The following TMEM255B variants were observed in gnomAD, a reference collection of about 807,000 sequenced individuals.
TMEM255B encodes transmembrane protein 255B.
In TMEM255B, 35 loss-of-function variants were observed where a neutral mutation model predicts 34.5. That is an observed-to-expected ratio of 1.01 (90% confidence interval 0.77 to 1.34). The LOEUF is 1.34. TMEM255B is among the 40% of genes most tolerant of loss of function. The pLI, the probability that TMEM255B is intolerant of heterozygous loss-of-function variation, is 0.00. For missense variants in TMEM255B, 432 were observed against 433.2 expected (o/e 1.00, Z 0.02); for synonymous variants, 206 against 201.2 (o/e 1.02, Z -0.20).
rs751612463 is a variant in TMEM255B, at chr13:113,766,119, G to T, written c.51G>T (p.Gly17=). 3.3e-5 allele frequency: 53 copies of T among 1,614,048 alleles called. No individual in the cohort carries two copies. In the East Asian group the frequency reaches 1.2e-3, roughly 36 times the overall value. The change falls in exon 2 of 9, where the codon GGG becomes GGT. Residue 17 remains glycine, a synonymous_variant. Transcript: ENST00000375353. The stretch of plus-strand genomic sequence containing the variant: ...TCCTCGCCTTCCTCCCCACAGAAGG[G>T]CTTTCGAGGAGGAAGAAGACGTCGC... ...GPLGLLDPAE[G]LSRRKKTSLW...
Position 113,805,038 on chromosome 13 carries a change from G to GCAT in TMEM255B, c.813+13_813+15dup, listed in dbSNP as rs2051144510. The GCAT allele has an allele frequency of 2.5e-6, 4 of 1,589,228 alleles. No individual in the cohort carries two copies. In the East Asian group the frequency reaches 6.8e-5, roughly 27 times the overall value. ...CCCTCTGCCCCTTCAGGTAGGGCCA[G>GCAT]CATCACCTGCTGGAGTTGGACGCGC... On this transcript the variant is annotated intron_variant, in intron 8 of 8. Transcript: ENST00000375353.
intron 5 of TMEM255B, chr13:113,799,878 G>C: frequency 9.5e-7 from 1 of 1,054,120 alleles, no homozygotes; most frequent in South Asian, 1.3e-5. Context: ...AGGACCGTCG[G>C]AGGGCACAGC....
chr13:113,785,962 T>A (rs1056433913), intron 3 of TMEM255B, among the ~76,000 whole-genome samples: 5 of 151,968 alleles, frequency 3.3e-5, no homozygotes, highest in African/African-American at 1.2e-4. Context: ...TCCAGTGGAG[T>A]CTGAGGCAGT....
rs115109442 is a variant in TMEM255B, at chr13:113,787,440, C to A, written c.253-7708C>A. On this transcript the variant is annotated intron_variant, in intron 3 of 8. Transcript: ENST00000375353. ...TGCTGACCTGAGTGGTGCGGCTTCT[C>A]TTCTCCGTTTGCTCACAGAAACCGA... Among the ~76,000 whole-genome samples, 1,363 of 152,262 alleles carry A rather than the reference C, an allele frequency of 9.0e-3. 17 individuals are homozygous for A. The highest frequency in any genetic ancestry group is 0.032 in the African/African-American group (1,320 of 41,538).
intron 3 of TMEM255B, among the ~76,000 whole-genome samples, chr13:113,784,339 A>T (rs1221674971): frequency 6.6e-6 from 1 of 152,168 alleles, no homozygotes; most frequent in Non-Finnish European, 1.5e-5. Context: ...TCCCCAGCTT[A>T]ATCCCACTGG....
rs868457701 is a variant in TMEM255B at position 113,810,979 on chromosome 13, C to T, written c.814-757C>T. On this transcript the variant is annotated intron_variant, in intron 8 of 8. Transcript: ENST00000375353. ...TGGTTTTGGAGTCAGGTCAGAGGCT[C>T]GCTGGCTGTGAGGAAGTGGGATGTG... Among the ~76,000 whole-genome samples, 51 of 152,106 alleles carry T rather than the reference C, an allele frequency of 3.4e-4. 2 individuals carry two copies. Among genetic ancestry groups the T allele is most frequent in the South Asian group, 4.1e-4 (2 of 4,826 alleles).
chr13:113,792,850 T>C (rs1246028620), intron 3 of TMEM255B, among the ~76,000 whole-genome samples: 1 of 152,282 alleles, frequency 6.6e-6, no homozygotes, highest in Non-Finnish European at 1.5e-5. Flanking sequence ...CAACTTTCTT[T>C]TAGGCAATCG....
chr13:113,802,174 C>T (rs1191502897), intron 7 of TMEM255B, among the ~76,000 whole-genome samples: 2 of 152,234 alleles, frequency 1.3e-5, no homozygotes, highest in African/African-American at 4.8e-5. Flanking sequence ...TGGGGCTGAG[C>T]TGATGCCTTA....
intron 3 of TMEM255B, among the ~76,000 whole-genome samples, chr13:113,784,177 G>A (rs1056847158): frequency 1.3e-5 from 2 of 152,164 alleles, no homozygotes; most frequent in Admixed American, 1.3e-4. Context: ...GTGTAGGGAT[G>A]TGGGATTGTT....
In TMEM255B at chr13:113,800,904, C is replaced by T; in HGVS notation, c.501C>T (p.Ala167=). 1 of 1,214,768 alleles carries T rather than the reference C, an allele frequency of 8.2e-7. No homozygotes were observed. The highest frequency in any genetic ancestry group is 1.2e-5 in the South Asian group (1 of 81,766). The allele number at this position is 1,214,768 out of a possible 1,614,324, so 75.2% of individuals were successfully genotyped here. ...SNTCYCCDLY[A]CGSAEPSPAY... ...CCTGTTACTGCTGTGACCTCTATGC[C>T]TGCGGGAGGTGAGGGGCACCGGGGA... The change falls in exon 6 of 9, where the codon GCC becomes GCT. Residue 167 remains alanine (A), a synonymous_variant. Coordinates refer to ENST00000375353, the MANE Select transcript of TMEM255B (RefSeq NM_182614.4).
rs1300768288 is a variant in TMEM255B at position 113,770,298 on chromosome 13, T to A, written c.252+1138T>A. On this transcript the variant is annotated intron_variant, in intron 3 of 8. Transcript: ENST00000375353. The surrounding 1 kb of genome is among the most constrained non-coding windows in gnomAD (Gnocchi z 4.6). ...ATCTTGTGAGACTTACTCACTATCA[T>A]GAGAACAGCACAGGAAAGATCTGCC... Among the ~76,000 whole-genome samples, 3 of 152,224 alleles carry A rather than the reference T, an allele frequency of 2.0e-5. No homozygotes were observed. The South Asian group carries it at 6.2e-4, about 32-fold the overall frequency.
chr13:113,793,729 G>A (rs1260231742), intron 3 of TMEM255B, among the ~76,000 whole-genome samples: 1 of 152,232 alleles, frequency 6.6e-6, no homozygotes, highest in Non-Finnish European at 1.5e-5. Flanking sequence ...TCGCAGTGAG[G>A]GTGCCCACTG....
chr13:113,799,576 T>C (rs2051004827), intron 5 of TMEM255B, 157 bp downstream of exon 5: 4 of 675,866 alleles, frequency 5.9e-6, no homozygotes, highest in Middle Eastern at 3.0e-4. Context: ...CCCCCTGTGT[T>C]TGGGACCTTG....
intron 8 of TMEM255B, 101 bp from the exon 9 acceptor site, chr13:113,811,635 G>C (rs1594176681): frequency 7.1e-7 from 1 of 1,411,686 alleles, no homozygotes; most frequent in East Asian, 2.5e-5. Context: ...GGCGGGGTGG[G>C]TGGGGAGCGT....
At chr13:113,775,142 T>TATATG (rs1047945945) in intron 3 of TMEM255B, among the ~76,000 whole-genome samples, 20 of 142,862 alleles carry the variant, frequency 1.4e-4, no homozygotes, top group African/African-American at 5.0e-4. Context: ...ACACACCACA[T>TATATG]ATATGACACA....
intron 3 of TMEM255B, among the ~76,000 whole-genome samples, chr13:113,778,194 C>G (rs955746253): frequency 6.6e-6 from 1 of 152,126 alleles, no homozygotes; most frequent in East Asian, 1.9e-4. Flanking sequence ...AAAAGCCGGC[C>G]GAACAGGAAT....
chr13:113,799,028 A>T (rs2050993997), intron 4 of TMEM255B, among the ~76,000 whole-genome samples: 1 of 152,180 alleles, frequency 6.6e-6, no homozygotes, highest in South Asian at 2.1e-4. Context: ...GTGGGGTGGT[A>T]GGGATGCCCC....
Position 113,759,299 on chromosome 13 carries a change from C to T in TMEM255B, c.30C>T (p.Gly10=), listed in dbSNP as rs1183962699. 3.3e-6 allele frequency: 4 copies of T among 1,229,352 alleles called. No homozygotes were observed. Among genetic ancestry groups the T allele is most frequent in the Admixed American group, 4.2e-5 (1 of 23,632 alleles). 76.2% of individuals were successfully genotyped at this position (1,229,352 alleles called of 1,614,324 possible). The change falls in exon 1 of 9, where the codon GGC becomes GGT. Residue 10 remains glycine, a synonymous_variant. Coordinates refer to ENST00000375353, the MANE Select transcript of TMEM255B (RefSeq NM_182614.4). The stretch of plus-strand genomic sequence containing the variant: ...AGCCGCCGGTGCCCGGGCCCCTGGG[C>T]CTGCTGGACCCCGCAGGTGAGCGCG... The part of the protein sequence containing the change: MQPPVPGPL[G]LLDPAEGLSR...
At chr13:113,773,526 G>A (rs1448356006) in intron 3 of TMEM255B, among the ~76,000 whole-genome samples, 3 of 152,224 alleles carry the variant, frequency 2.0e-5, no homozygotes, top group Non-Finnish European at 2.9e-5. Context: ...ACCTGTCCAC[G>A]GGCTTCCCTC....
Sources: allele counts gnomAD v4.1 joint callset (sites outside exome capture counted in the v4.1 genomes callset), GRCh38; gene constraint gnomAD v4.1.1; non-coding constraint Gnocchi (gnomAD v3.1); transcripts MANE v1.5; gene names NCBI Gene and HGNC (gene_info 2026-07-23, HGNC 2026-07-21).